The following AFF3 variants were observed in gnomAD, a reference collection of about 807,000 sequenced individuals.
AFF3 encodes the protein AF4/FMR2 family member 3.
Under a neutral mutation model 129.7 loss-of-function variants are expected in AFF3, and 32 were observed. The observed-to-expected ratio is 0.25, with a 90% confidence interval of 0.19 to 0.33. The LOEUF (loss-of-function observed/expected upper bound fraction) is 0.33. AFF3 is among the 10% of genes least tolerant of loss of function. The pLI, the probability that AFF3 is intolerant of heterozygous loss-of-function variation, is 1.00. For synonymous variants in AFF3, 644 were observed against 635.4 expected (o/e 1.01, Z -0.20); for missense variants, 1,373 against 1,592.0 (o/e 0.86, Z 2.34).
intron 14 of AFF3, among the ~76,000 whole-genome samples, chr2:99,596,047 G>GGGGAA (rs1679255236): frequency 6.6e-6 from 1 of 152,226 alleles, no homozygotes; most frequent in Non-Finnish European, 1.5e-5. Context: ...GAGTGCAGGT[G>GGGGAA]GGGAAGGGGG....
intron 8 of AFF3, among the ~76,000 whole-genome samples, chr2:99,820,870 C>CTTTT (rs869085194): frequency 6.9e-5 from 7 of 101,718 alleles, no homozygotes; most frequent in Admixed American, 1.1e-4. Flanking sequence ...TCCTCCACAT[C>CTTTT]TTTTTTTTTT....
In AFF3 at chr2:100,014,778, G is replaced by A. The variant is rs1016451936; in HGVS notation, c.54-5846C>T. 1.6e-4 allele frequency among the ~76,000 whole-genome samples: 20 copies of A among 125,900 alleles called. No homozygotes were observed. The South Asian group carries it at 4.4e-3, about 28-fold the overall frequency. 82.6% of individuals were successfully genotyped at this position (125,900 alleles called of 152,430 possible). On this transcript the variant is annotated intron_variant, in intron 4 of 24. Transcript: ENST00000672756. ...TCTCTCCATACCTCCATACCACCTT[G>A]CTTCCTTTTTTTTTTTTTTTTTTTA...
intron 8 of AFF3, among the ~76,000 whole-genome samples, chr2:99,788,847 T>C (rs979928580): frequency 6.6e-6 from 1 of 152,182 alleles, no homozygotes; most frequent in Non-Finnish European, 1.5e-5. Flanking sequence ...AAATCTTTTA[T>C]GCTGTATTTT....
At chr2:99,637,088 T>A in intron 13 of AFF3, among the ~76,000 whole-genome samples, 1 of 150,502 alleles carries the variant, frequency 6.6e-6, no homozygotes. Flanking sequence ...AGGACGGGAG[T>A]GGGTAGAGGG....
intron 20 of AFF3, among the ~76,000 whole-genome samples, chr2:99,561,974 C>T (rs1006656221): frequency 2.0e-5 from 3 of 152,072 alleles, no homozygotes; most frequent in Admixed American, 6.6e-5. Flanking sequence ...TTCTTTGAAC[C>T]CTTGGAAACT....
At chr2:99,912,581 G>C (rs1156620232) in intron 7 of AFF3, among the ~76,000 whole-genome samples, 1 of 152,106 alleles carries the variant, frequency 6.6e-6, no homozygotes, top group African/African-American at 2.4e-5. Context: ...AAACATAGTT[G>C]TATTTCTCAC....
At chr2:99,609,930 G>A (rs145050103) in intron 13 of AFF3, among the ~76,000 whole-genome samples, 1 of 152,166 alleles carries the variant, frequency 6.6e-6, no homozygotes, top group Non-Finnish European at 1.5e-5. Flanking sequence ...GAAACAGCCA[G>A]CTCCTGTCTT....
At chr2:100,107,345 A>T in intron 2 of AFF3, 1 of 985,468 alleles carries the variant, frequency 1.0e-6, no homozygotes, top group Non-Finnish European at 1.2e-6. Context: ...CTGGGTATGC[A>T]AACCAAAACA....
intron 11 of AFF3, among the ~76,000 whole-genome samples, chr2:99,695,315 C>T (rs17716597): frequency 0.023 from 3,566 of 152,276 alleles, 56 homozygotes; most frequent in Non-Finnish European, 0.03. Flanking sequence ...TCTGGCCCCA[C>T]GCTCAGTTCT....
At chr2:99,994,077 A>T (rs1453582090) in intron 7 of AFF3, among the ~76,000 whole-genome samples, 2 of 151,912 alleles carry the variant, frequency 1.3e-5, no homozygotes, top group Non-Finnish European at 2.9e-5. Flanking sequence ...AAGTGCCGGG[A>T]TTACAGGAGT....
At chr2:100,108,821 T>C (rs1426398654) in intron 2 of AFF3, among the ~76,000 whole-genome samples, 1 of 152,070 alleles carries the variant, frequency 6.6e-6, no homozygotes, top group African/African-American at 2.4e-5. Flanking sequence ...CAGATATTTA[T>C]TGAATGTAAG....
intron 11 of AFF3, among the ~76,000 whole-genome samples, chr2:99,704,744 T>G (rs1421671551): frequency 6.6e-6 from 1 of 152,184 alleles, no homozygotes; most frequent in African/African-American, 2.4e-5. Flanking sequence ...AATACTCTAT[T>G]GGCACAGGCC....
intron 8 of AFF3, among the ~76,000 whole-genome samples, chr2:99,810,088 G>A (rs971381427): frequency 1.6e-4 from 25 of 152,188 alleles, no homozygotes; most frequent in African/African-American, 4.3e-4. Flanking sequence ...CATGCACTCA[G>A]GAATTTCAAA....
rs750084980 is a variant in AFF3, at chr2:99,593,600, C to T, written c.2061G>A (p.Glu687=). ...CGGTCTGTGCTTTGGACAGAGGGTA[C>T]TCCTCCTGCTCGGACTCCAGGTCGG... ...SDSDLESEQE[E]YPLSKAQTVA... The change falls in exon 15 of 25, where the codon GAG becomes GAA. Residue 687 remains glutamate, a synonymous_variant. Coordinates refer to ENST00000672756, the MANE Select transcript of AFF3 (RefSeq NM_001386135.1). 24 of 1,612,038 alleles carry T rather than the reference C, an allele frequency of 1.5e-5. No individual in the cohort carries two copies. The highest frequency in any genetic ancestry group is 2.0e-5 in the Non-Finnish European group (23 of 1,179,230).
intron 2 of AFF3, among the ~76,000 whole-genome samples, chr2:100,112,908 A>G (rs1173594460): frequency 6.6e-6 from 1 of 152,194 alleles, no homozygotes; most frequent in Non-Finnish European, 1.5e-5. Context: ...TGCTTATTAT[A>G]ATTCCATATA....
chr2:99,990,186 G>A (rs1247661901), intron 7 of AFF3, among the ~76,000 whole-genome samples: 1 of 152,118 alleles, frequency 6.6e-6, no homozygotes, highest in African/African-American at 2.4e-5. Flanking sequence ...AACTGAGTTC[G>A]AGGAGGTTTC....
At position 99,554,456 on chromosome 2, in the gene AFF3, G is replaced by T; in HGVS notation, c.3414C>A (p.Asn1138Lys). 1.2e-6 allele frequency: 2 copies of T among 1,614,108 alleles called. No homozygotes were observed. The highest frequency in any genetic ancestry group is 2.2e-5 in the South Asian group (2 of 91,082). Residue 1138 changes from asparagine to lysine, a missense_variant, in exon 24 of 25, where the codon AAC becomes AAA. Asn to Lys is a moderately conservative substitution (Grantham distance 94). This residue lies in a region of AFF3 where 165 missense variants were observed against 234.0 expected (regional missense o/e 0.71). Coordinates refer to ENST00000672756, the MANE Select transcript of AFF3 (RefSeq NM_001386135.1). ...SSVGSQGSLS[N>K]ASALSPSTIV... is the part of the protein sequence containing the mutation. ...TGGTCGACGGGGACAGGGCGCTGGC[G>T]TTGGAGAGGCTGCCCTGAGACCCCA...
intron 13 of AFF3, among the ~76,000 whole-genome samples, chr2:99,626,417 CCTTT>C (rs1241007417): frequency 7.8e-6 from 1 of 128,062 alleles, no homozygotes; most frequent in Non-Finnish European, 1.7e-5. Context: ...CCCTCCCCTC[CCTTT>C]CTCTCTCCTC....
chr2:100,041,296 G>A (rs1255410647), intron 4 of AFF3, among the ~76,000 whole-genome samples: 1 of 152,180 alleles, frequency 6.6e-6, no homozygotes, highest in Non-Finnish European at 1.5e-5. Flanking sequence ...ACATATGCAG[G>A]GGCCCAGTGA....
Sources: allele counts gnomAD v4.1 joint callset (sites outside exome capture counted in the v4.1 genomes callset), GRCh38; gene constraint gnomAD v4.1.1; regional missense constraint gnomAD v4.1.1; transcripts MANE v1.5; gene names NCBI Gene and HGNC (gene_info 2026-07-23, HGNC 2026-07-21).